Variants in AFP observed in about 807,000 individuals in gnomAD.
The protein encoded by AFP is alpha fetoprotein, also known as alpha-fetoprotein.
Under a neutral mutation model 78.9 loss-of-function variants are expected in AFP, and 64 were observed. The ratio of observed to expected loss-of-function variants is 0.81; its 90% confidence interval spans 0.66 to 1.00. AFP has a LOEUF of 1.00. Ranked by LOEUF, AFP falls within the 50% of genes least tolerant of loss-of-function variation. AFP has a pLI of 0.00. For synonymous variants in AFP, 254 were observed against 243.8 expected, an observed-to-expected ratio of 1.04 and a Z score of -0.39; for missense variants, 689 against 703.8, an observed-to-expected ratio of 0.98 and a Z score of 0.24.
At chr4:73,439,583 C>T (rs1021244750) in intron 3 of AFP, among the ~76,000 whole-genome samples, 28 of 152,112 alleles carry the variant, frequency 1.8e-4, no homozygotes, top group African/African-American at 6.3e-4. Flanking sequence ...AGAAATCTTA[C>T]GTAAGCCTTC....
intron 8 of AFP, among the ~76,000 whole-genome samples, chr4:73,448,526 A>G (rs1719897877): frequency 6.6e-6 from 1 of 152,196 alleles, no homozygotes; most frequent in African/African-American, 2.4e-5. Flanking sequence ...TTGCACTGCT[A>G]AATAAAATTA....
chr4:73,448,033 A>T (rs1719885708), intron 8 of AFP, among the ~76,000 whole-genome samples: 1 of 152,156 alleles, frequency 6.6e-6, no homozygotes, highest in Admixed American at 6.5e-5. Context: ...TTTTGTAATA[A>T]GAAGAGTTCA....
chr4:73,453,660 A>T, intron 12 of AFP, 105 bp from the exon 13 acceptor site: 1 of 1,340,610 alleles, frequency 7.5e-7, no homozygotes, highest in Non-Finnish European at 1.0e-6. Context: ...TGATAGGTTG[A>T]TGGAGTAAGG....
Position 73,452,577 on chromosome 4 carries a change from G to A in AFP, c.1605G>A (p.Lys535=), listed in dbSNP as rs762012075. The change falls in exon 12 of 15, where the codon AAG becomes AAA. Residue 535 remains lysine, a synonymous_variant. Transcript: ENST00000395792. ...CTGATGACAAGTTCATTTTCCATAA[G>A]GATCTGTGCCAAGCTCAGGGTGTAG... ...AFSDDKFIFH[K]DLCQAQGVAL... 5.6e-6 allele frequency: 9 copies of A among 1,613,994 alleles called. No individual in the cohort carries two copies. Among genetic ancestry groups the A allele is most frequent in the Non-Finnish European group, 7.6e-6 (9 of 1,179,950 alleles).
chr4:73,444,248 C>A (rs1442336077), intron 6 of AFP, among the ~76,000 whole-genome samples: 2 of 151,968 alleles, frequency 1.3e-5, no homozygotes, highest in Non-Finnish European at 2.9e-5. Flanking sequence ...TAATTTATGA[C>A]CTACTTTAAA....
chr4:73,447,186 A>G (rs1294471574), intron 7 of AFP, among the ~76,000 whole-genome samples: 1 of 152,048 alleles, frequency 6.6e-6, no homozygotes, highest in Non-Finnish European at 1.5e-5. Context: ...TCTCTTTAAT[A>G]TTGGCTGAAG....
At chr4:73,442,181 G>T (rs1719689728) in intron 4 of AFP, 115 bp from the exon 5 acceptor site, 6 of 1,051,742 alleles carry the variant, frequency 5.7e-6, no homozygotes, top group South Asian at 5.6e-5. Context: ...AAAGTCAAAT[G>T]CATTTTGTTG....
intron 13 of AFP, among the ~76,000 whole-genome samples, chr4:73,454,333 A>G (rs1720099449): frequency 6.6e-6 from 1 of 152,044 alleles, no homozygotes; most frequent in Non-Finnish European, 1.5e-5. Flanking sequence ...ACATCAACAG[A>G]GTAGTATTTA....
intron 5 of AFP, among the ~76,000 whole-genome samples, chr4:73,442,659 A>G (rs1317868009): frequency 6.6e-6 from 1 of 152,140 alleles, no homozygotes; most frequent in Non-Finnish European, 1.5e-5. Context: ...GTTTGATGGG[A>G]TAAAGAAGGA....
chr4:73,445,965 A>AC (rs1353191424), intron 7 of AFP, among the ~76,000 whole-genome samples: 2 of 152,160 alleles, frequency 1.3e-5, no homozygotes. Context: ...AAATCCAAGG[A>AC]GCTTAAAAAT....
chr4:73,447,338 T>C, intron 7 of AFP, 124 bp from the exon 8 acceptor site: 1 of 647,886 alleles, frequency 1.5e-6, no homozygotes, highest in South Asian at 2.5e-5. Context: ...TTCCTGGCCT[T>C]TTTTCCTTCT....
At chr4:73,438,543 C>T (rs567960402) in intron 3 of AFP, among the ~76,000 whole-genome samples, 1 of 152,064 alleles carries the variant, frequency 6.6e-6, no homozygotes, top group Non-Finnish European at 1.5e-5. Flanking sequence ...ATAAGATTAT[C>T]TTGATGACTA....
chr4:73,455,985 C>T lies in AFP; in HGVS notation c.*365C>T, dbSNP rs376193666. ...TAAACACTATTTGATGCTACCAGGG[C>T]ATTTTGTTTATTAAATGACCATCAC... On this transcript the variant is annotated 3_prime_UTR_variant, in exon 15 of 15. Transcript: ENST00000395792. The T allele has an allele frequency of 2.9e-5, 7 of 244,452 alleles. No homozygotes were observed. The highest frequency in any genetic ancestry group is 5.4e-5 in the Non-Finnish European group (7 of 129,244). 15.1% of individuals were successfully genotyped at this position (244,452 alleles called of 1,614,324 possible).
chr4:73,441,432 A>G lies in AFP; in HGVS notation c.482+619A>G, dbSNP rs1031223933. Among the ~76,000 whole-genome samples the G allele has an allele frequency of 1.0e-3, 154 of 151,366 alleles. 1 individual carries two copies. The highest frequency in any genetic ancestry group is 3.0e-3 in the Admixed American group (46 of 15,208). On this transcript the variant is annotated intron_variant, in intron 4 of 14. Coordinates refer to ENST00000395792, the MANE Select transcript of AFP (RefSeq NM_001134.3). ...ATACAAAAAAAATTAGCCGGGCGTG[A>G]TGGTGGGCGCCTGTAGTCCCAGCTA...
intron 12 of AFP, among the ~76,000 whole-genome samples, chr4:73,453,177 T>C (rs1246123206): frequency 6.6e-6 from 1 of 152,222 alleles, no homozygotes; most frequent in Non-Finnish European, 1.5e-5. Context: ...TCACTTGTTT[T>C]GTAAATAGTC....
intron 1 of AFP, 101 bp from the exon 2 acceptor site, chr4:73,437,059 C>A: frequency 1.1e-6 from 1 of 901,456 alleles, no homozygotes; most frequent in Non-Finnish European, 1.8e-6. Flanking sequence ...AATTCTGAAA[C>A]TGTACAGTTC....
Position 73,450,731 on chromosome 4 carries a change from T to C in AFP, c.1406T>C (p.Leu469Pro). The change falls in exon 11 of 15, where the codon CTA becomes CCA. Residue 469 changes from leucine to proline, a missense_variant. Leu to Pro is a moderately conservative substitution (Grantham distance 98, BLOSUM62 -3). Coordinates refer to ENST00000395792, the MANE Select transcript of AFP (RefSeq NM_001134.3). ...ATCCQLSEDK[L>P]LACGEGAADI... ...TGTTGCCAACTCAGTGAGGACAAAC[T>C]ATTGGCCTGTGGCGAGGGAGCGGTG... 1 of 1,614,184 alleles carries C rather than the reference T, an allele frequency of 6.2e-7. No homozygotes were observed. Among genetic ancestry groups the C allele is most frequent in the Non-Finnish European group, 8.5e-7 (1 of 1,180,026 alleles).
At chr4:73,443,912 AG>A (rs1264045195) in intron 6 of AFP, among the ~76,000 whole-genome samples, 2 of 152,100 alleles carry the variant, frequency 1.3e-5, no homozygotes, top group African/African-American at 4.8e-5. Flanking sequence ...TATTCCTTTG[AG>A]GCAATAATAT....
chr4:73,455,774 T>C lies in AFP; in HGVS notation c.*154T>C. On this transcript the variant is annotated 3_prime_UTR_variant, in exon 15 of 15. Transcript: ENST00000395792. ...ATCACAGAAATAAAATATCTCCAAA[T>C]GTTTCCTTTTCCAAGTTTGCTTATT... is the stretch of plus-strand genomic sequence containing the variant. 1.6e-6 allele frequency: 1 copy of C among 634,318 alleles called. No homozygotes were observed. The highest frequency in any genetic ancestry group is 1.8e-5 in the South Asian group (1 of 56,598). 39.3% of individuals were successfully genotyped at this position (634,318 alleles called of 1,614,324 possible).
Sources: allele counts gnomAD v4.1 joint callset (sites outside exome capture counted in the v4.1 genomes callset), GRCh38; gene constraint gnomAD v4.1.1; transcripts MANE v1.5; gene names NCBI Gene and HGNC (gene_info 2026-07-23, HGNC 2026-07-21).